Variants in LCP2 observed in about 807,000 individuals in gnomAD.
LCP2 encodes the protein lymphocyte cytosolic protein 2.
Under a neutral mutation model 74.5 loss-of-function variants are expected in LCP2, and 29 were observed. That is an observed-to-expected ratio of 0.39 (90% CI 0.29 to 0.53). The LOEUF is 0.53. Ranked by LOEUF, LCP2 falls within the 20% of genes least tolerant of loss-of-function variation. The pLI is 0.72. For synonymous variants in LCP2, 228 were observed against 229.5 expected (o/e 0.99, Z 0.06); for missense variants, 604 against 634.6 (o/e 0.95, Z 0.52).
intron 3 of LCP2, 194 bp downstream of exon 3, chr5:170,287,776 C>A (rs1013749566): frequency 8.1e-6 from 5 of 617,386 alleles, no homozygotes; most frequent in Non-Finnish European, 2.9e-6. Flanking sequence ...ACCAGCTGGG[C>A]TGGATCTGTG....
chr5:170,280,956 A>G (rs1561975434), intron 3 of LCP2, among the ~76,000 whole-genome samples: 1 of 152,148 alleles, frequency 6.6e-6, no homozygotes, highest in Non-Finnish European at 1.5e-5. Context: ...GTGAGCCAAG[A>G]TTGCGCCACT....
In LCP2 at chr5:170,296,264, T is replaced by A. The variant is rs990013200; in HGVS notation, c.78+1270A>T. 2.9e-4 allele frequency among the ~76,000 whole-genome samples: 44 copies of A among 152,316 alleles called. 2 individuals carry two copies. Among genetic ancestry groups the A allele is most frequent in the Middle Eastern group, 3.4e-3 (1 of 294 alleles). On this transcript the variant is annotated intron_variant, in intron 1 of 20. Coordinates refer to ENST00000046794, the MANE Select transcript of LCP2 (RefSeq NM_005565.5). ...CTGAAATCTAAGTTTATTATGACCT[T>A]GCAGAAGGAAAATAACAGAAATGAA...
intron 7 of LCP2, 31 bp downstream of exon 7, chr5:170,270,688 C>A: frequency 6.5e-7 from 1 of 1,531,030 alleles, no homozygotes; most frequent in Non-Finnish European, 8.7e-7. Flanking sequence ...TTGGGCTGCT[C>A]GGGCCAGAAA....
At position 170,268,302 on chromosome 5, in the gene LCP2, G is replaced by A. The variant is rs191710707; in HGVS notation, c.621+83C>T. ...TACAAAATTAGAATGAGATAAAGAT[G>A]TTTATAGTTTTATTTTTCTCTCTGG... is the stretch of plus-strand genomic sequence containing the variant. On this transcript the variant is annotated intron_variant, in intron 8 of 20. Transcript: ENST00000046794. The A allele has an allele frequency of 1.6e-3, 347 of 212,410 alleles. 3 individuals carry two copies. The highest frequency in any genetic ancestry group is 7.9e-3 in the African/African-American group (338 of 42,922). 13.2% of individuals were successfully genotyped at this position (212,410 alleles called of 1,614,324 possible).
chr5:170,267,390 C>T, intron 8 of LCP2: 1 of 446,690 alleles, frequency 2.2e-6, no homozygotes, highest in South Asian at 2.5e-5. Flanking sequence ...CCATGTCTGC[C>T]CTCTCAACTC....
chr5:170,289,448 C>T (rs1475806745), intron 2 of LCP2, among the ~76,000 whole-genome samples: 1 of 152,176 alleles, frequency 6.6e-6, no homozygotes, highest in Non-Finnish European at 1.5e-5. Flanking sequence ...AATGTGTTCA[C>T]TGGATCCATC....
intron 17 of LCP2, among the ~76,000 whole-genome samples, chr5:170,253,772 G>A (rs539085734): frequency 6.6e-6 from 1 of 152,298 alleles, no homozygotes; most frequent in South Asian, 2.1e-4. Flanking sequence ...AACTAAACAG[G>A]TAGACTGTTC....
Position 170,297,522 on chromosome 5 carries a change from A to G in LCP2, c.78+12T>C, listed in dbSNP as rs775346489. 13 of 1,610,734 alleles carry G rather than the reference A, an allele frequency of 8.1e-6. No individual in the cohort carries two copies. Among genetic ancestry groups the G allele is most frequent in the Non-Finnish European group, 1.1e-5 (13 of 1,178,132 alleles). ...CTAGCATCATGACCATTCACACAAG[A>G]GCAAGGCTTACCTTCTTGAAATAGT... On this transcript the variant is annotated intron_variant, in intron 1 of 20. Coordinates refer to ENST00000046794, the MANE Select transcript of LCP2 (RefSeq NM_005565.5).
Position 170,246,233 on chromosome 5 carries a change from T to C in LCP2, c.*2464A>G. 1 of 835,028 alleles carries C rather than the reference T, an allele frequency of 1.2e-6. No individual in the cohort carries two copies. Among genetic ancestry groups the C allele is most frequent in the Non-Finnish European group, 1.8e-6 (1 of 569,072 alleles). The allele number at this position is 835,028 out of a possible 1,614,324, so 51.7% of individuals were successfully genotyped here. On this transcript the variant is annotated 3_prime_UTR_variant, in exon 21 of 21. Transcript: ENST00000046794. ...AAATAAAAATAATGTAAACAAGCAG[T>C]TCATGTTCTTGAAGGCTGTTTAATG...
chr5:170,288,963 C>A (rs1762231387), intron 2 of LCP2, among the ~76,000 whole-genome samples: 1 of 152,138 alleles, frequency 6.6e-6, no homozygotes, highest in Admixed American at 6.5e-5. Flanking sequence ...CAATGATGAG[C>A]CAACAAAGGG....
intron 1 of LCP2, among the ~76,000 whole-genome samples, chr5:170,297,317 C>T (rs1455462447): frequency 1.3e-5 from 2 of 152,214 alleles, no homozygotes; most frequent in East Asian, 3.9e-4. Flanking sequence ...TAGGCACATA[C>T]TCATTTGAGG....
intron 8 of LCP2, 71 bp from the exon 9 acceptor site, chr5:170,267,146 C>A: frequency 6.9e-7 from 1 of 1,443,238 alleles, no homozygotes; most frequent in South Asian, 1.1e-5. Context: ...CAAAACCTGT[C>A]TGGATCTGCT....
intron 3 of LCP2, among the ~76,000 whole-genome samples, chr5:170,277,233 C>T (rs924615066): frequency 2.0e-5 from 3 of 152,150 alleles, no homozygotes; most frequent in Admixed American, 6.5e-5. Flanking sequence ...GTGTCAGTTC[C>T]CTTTCTGCTG....
intron 13 of LCP2, among the ~76,000 whole-genome samples, 164 bp downstream of exon 13, chr5:170,262,471 C>T (rs1408243004): frequency 6.6e-6 from 1 of 152,248 alleles, no homozygotes; most frequent in Non-Finnish European, 1.5e-5. Context: ...CCTGATCCTT[C>T]ATAGCCAACC....
intron 15 of LCP2, chr5:170,258,527 T>G: frequency 2.8e-6 from 1 of 358,190 alleles, no homozygotes; most frequent in Admixed American, 4.2e-5. Flanking sequence ...TTTTATGCTA[T>G]CTCATTCATT....
Position 170,287,967 on chromosome 5 carries a change from T to C in LCP2, c.188+3A>G. The C allele has an allele frequency of 6.2e-7, 1 of 1,613,780 alleles. No individual in the cohort carries two copies. On this transcript the variant is annotated splice_donor_region_variant and intron_variant, in intron 3 of 20. Coordinates refer to ENST00000046794, the MANE Select transcript of LCP2 (RefSeq NM_005565.5). Reference sequence around the variant, plus strand: ...TCACCCATAGAGTTGGAGGAGTACTTACGGCACCCGGAGCTTGGGGAACTT... The same window carrying C: ...TCACCCATAGAGTTGGAGGAGTACTCACGGCACCCGGAGCTTGGGGAACTT...
chr5:170,266,056 G>A (rs1391213703), intron 10 of LCP2, among the ~76,000 whole-genome samples: 2 of 152,220 alleles, frequency 1.3e-5, no homozygotes, highest in African/African-American at 2.4e-5. Flanking sequence ...CACCTCCTTT[G>A]TTGAGTTGCT....
At chr5:170,274,273 G>A (rs1330400306) in intron 6 of LCP2, 28 bp downstream of exon 6, 2 of 1,611,174 alleles carry the variant, frequency 1.2e-6, no homozygotes, top group East Asian at 2.2e-5. Context: ...TGCTGTAAAG[G>A]TGCAAGAACA....
At chr5:170,249,362 G>GTGTATATATA (rs549497220) in intron 20 of LCP2, among the ~76,000 whole-genome samples, 2 of 108,146 alleles carry the variant, frequency 1.8e-5, no homozygotes, top group African/African-American at 6.2e-5. Flanking sequence ...GCATGCGTGT[G>GTGTATATATA]TATATATATA....
Sources: allele counts gnomAD v4.1 joint callset (sites outside exome capture counted in the v4.1 genomes callset), GRCh38; gene constraint gnomAD v4.1.1; transcripts MANE v1.5; gene names NCBI Gene and HGNC (gene_info 2026-07-23, HGNC 2026-07-21).